Variants in MBNL1 observed in about 807,000 individuals in gnomAD.
The protein encoded by MBNL1 is muscleblind like splicing regulator 1.
Under a neutral mutation model 42.2 loss-of-function variants are expected in MBNL1, and 8 were observed. That is an observed-to-expected ratio of 0.19 (90% CI 0.11 to 0.34). MBNL1 has a LOEUF of 0.34. Ranked by LOEUF, MBNL1 falls within the 10% of genes least tolerant of loss-of-function variation. The probability of loss-of-function intolerance (pLI) is 1.00; values close to 1 mark genes in which losing one functional copy is unlikely to be tolerated. For missense variants in MBNL1, 309 were observed against 495.3 expected (o/e 0.62, Z 3.57); for synonymous variants, 169 against 173.9 (o/e 0.97, Z 0.22).
chr3:152,337,725 T>C (rs1287904043), intron 2 of MBNL1, among the ~76,000 whole-genome samples: 6 of 152,140 alleles, frequency 3.9e-5, no homozygotes, highest in African/African-American at 1.4e-4. Flanking sequence ...TCTTTTGTTC[T>C]TCTCATCTCT....
chr3:152,395,885 T>C (rs2097910836), intron 2 of MBNL1, among the ~76,000 whole-genome samples: 2 of 152,312 alleles, frequency 1.3e-5, no homozygotes, highest in South Asian at 4.1e-4. Flanking sequence ...TTTTAATTCC[T>C]GGGAAGTCAG....
chr3:152,437,510 A>T (rs551861591), intron 4 of MBNL1, among the ~76,000 whole-genome samples: 129 of 152,296 alleles, frequency 8.5e-4, no homozygotes, highest in African/African-American at 3.0e-3. Flanking sequence ...ATGTAAAATT[A>T]GGGGGTTGCA....
rs921246130 is a variant in MBNL1, at chr3:152,455,532, T to C, written c.962-10T>C. On this transcript the variant is annotated splice_polypyrimidine_tract_variant and intron_variant, in intron 6 of 9. Transcript: ENST00000324210. Reference sequence around the variant, plus strand: ...AAATCCACCTTCCTGTTGCAATGCATGATGGGCAGGCTCAATATTGTGCAT... The same window carrying C: ...AAATCCACCTTCCTGTTGCAATGCACGATGGGCAGGCTCAATATTGTGCAT... 2 of 1,612,834 alleles carry C rather than the reference T, an allele frequency of 1.2e-6. No homozygotes were observed. Among genetic ancestry groups the C allele is most frequent in the Non-Finnish European group, 1.7e-6 (2 of 1,179,006 alleles).
chr3:152,301,715 A>C (rs1477138561), intron 2 of MBNL1, among the ~76,000 whole-genome samples: 1 of 152,178 alleles, frequency 6.6e-6, no homozygotes, highest in African/African-American at 2.4e-5. Context: ...CTTTCCTTTG[A>C]GAGGCATCAG....
At chr3:152,296,643 T>C (rs557366449) in intron 1 of MBNL1, among the ~76,000 whole-genome samples, 1 of 151,716 alleles carries the variant, frequency 6.6e-6, no homozygotes, top group East Asian at 1.9e-4. Context: ...TATGTGACCC[T>C]GGAACATAAT....
intron 2 of MBNL1, among the ~76,000 whole-genome samples, chr3:152,332,974 T>G (rs978905813): frequency 6.6e-6 from 1 of 152,136 alleles, no homozygotes; most frequent in Non-Finnish European, 1.5e-5. Context: ...TTAAAGGAAG[T>G]CATTTCAGTT....
chr3:152,302,157 C>G (rs2060968801), intron 2 of MBNL1: 1 of 152,060 alleles, frequency 6.6e-6, no homozygotes, highest in Admixed American at 6.6e-5. Flanking sequence ...ATGTGGTTAA[C>G]AAGATTCAAC....
intron 2 of MBNL1, among the ~76,000 whole-genome samples, chr3:152,317,341 A>G (rs897946382): frequency 3.3e-5 from 5 of 152,092 alleles, no homozygotes; most frequent in Admixed American, 6.5e-5. Flanking sequence ...TTTTTTTTTC[A>G]GAGACAGTCT....
chr3:152,433,631 TC>T (rs1199461047), intron 4 of MBNL1, among the ~76,000 whole-genome samples: 1 of 151,040 alleles, frequency 6.6e-6, no homozygotes, highest in Non-Finnish European at 1.5e-5. Context: ...GCGCCTGTAG[TC>T]CCAGCTACTC....
At chr3:152,368,235 C>A (rs911687657) in intron 2 of MBNL1, among the ~76,000 whole-genome samples, 15 of 152,104 alleles carry the variant, frequency 9.9e-5, no homozygotes, top group African/African-American at 3.6e-4. Context: ...ATATGGCTAG[C>A]CAGTTTTCCC....
At chr3:152,408,697 C>T (rs1288686359) in intron 2 of MBNL1, among the ~76,000 whole-genome samples, 4 of 151,428 alleles carry the variant, frequency 2.6e-5, no homozygotes, top group African/African-American at 7.3e-5. Flanking sequence ...TGAATACAGC[C>T]CCCCACTAAA....
chr3:152,254,493 G>T (rs1002254911), intron 2 of MBNL1, among the ~76,000 whole-genome samples: 1 of 151,922 alleles, frequency 6.6e-6, no homozygotes, highest in Non-Finnish European at 1.5e-5. Context: ...TCTCCCTCCA[G>T]AATCCTTTCC....
intron 1 of MBNL1, among the ~76,000 whole-genome samples, chr3:152,296,906 C>A (rs2151310839): frequency 6.6e-6 from 1 of 152,214 alleles, no homozygotes; most frequent in Non-Finnish European, 1.5e-5. Context: ...TATATTTTTT[C>A]TGTCCTTAAA....
chr3:152,353,160 A>AGCAAAG (rs1318276170), intron 2 of MBNL1, among the ~76,000 whole-genome samples: 1 of 152,234 alleles, frequency 6.6e-6, no homozygotes, highest in African/African-American at 2.4e-5. Context: ...TCAGAAGCTT[A>AGCAAAG]TCCTAGCAAA....
chr3:152,381,695 C>T (rs890531093), intron 2 of MBNL1, among the ~76,000 whole-genome samples: 4 of 151,818 alleles, frequency 2.6e-5, no homozygotes, highest in Non-Finnish European at 5.9e-5. Context: ...TTTTCATTCA[C>T]ATGTTAATTT....
intron 8 of MBNL1, among the ~76,000 whole-genome samples, chr3:152,456,886 A>G (rs1186402407): frequency 6.6e-6 from 1 of 152,196 alleles, no homozygotes; most frequent in Non-Finnish European, 1.5e-5. Context: ...AATTGTTTGC[A>G]TGTAGCATTT....
intron 2 of MBNL1, among the ~76,000 whole-genome samples, chr3:152,400,956 G>C (rs897198265): frequency 6.6e-6 from 1 of 152,180 alleles, no homozygotes; most frequent in Non-Finnish European, 1.5e-5. Flanking sequence ...CTTCAGAGTA[G>C]CCATCATTAG....
intron 2 of MBNL1, among the ~76,000 whole-genome samples, chr3:152,261,737 A>C (rs1326134663): frequency 6.6e-6 from 1 of 152,182 alleles, no homozygotes; most frequent in Non-Finnish European, 1.5e-5. Context: ...AAATCTGAAC[A>C]ACAAACTTTC....
At chr3:152,419,237 T>C in intron 3 of MBNL1, among the ~76,000 whole-genome samples, 1 of 152,086 alleles carries the variant, frequency 6.6e-6, no homozygotes, top group East Asian at 1.9e-4. Flanking sequence ...GCCTATAGTG[T>C]TTAATTATTT....
Sources: gnomAD v4.1 joint callset for allele counts (sites outside exome capture counted in the v4.1 genomes callset) on GRCh38, gnomAD v4.1.1 for gene constraint, MANE v1.5 for transcripts, NCBI Gene and HGNC (gene_info 2026-07-23, HGNC 2026-07-21) for gene names.